The following MARCHF1 variants were observed in gnomAD, a reference collection of about 807,000 sequenced individuals.
The protein encoded by MARCHF1 is E3 ubiquitin-protein ligase MARCHF1.
A neutral mutation model predicts 54.2 loss-of-function variants in MARCHF1; 40 were observed. That is an observed-to-expected ratio of 0.74 (90% CI 0.57 to 0.96). The LOEUF (loss-of-function observed/expected upper bound fraction) is 0.96, where lower values mean the gene tolerates loss of function less well. MARCHF1 is among the 40% of genes least tolerant of loss of function. MARCHF1 has a pLI of 0.00. For missense variants in MARCHF1, 586 were observed against 656.5 expected (o/e 0.89, Z 1.17); for synonymous variants, 236 against 236.3 (o/e 1.00, Z 0.01).
chr4:163,838,746 AT>A (rs1749259993), intron 4 of MARCHF1, among the ~76,000 whole-genome samples: 2 of 152,100 alleles, frequency 1.3e-5, no homozygotes. Flanking sequence ...ATGCACAACA[AT>A]TAATTCAAAG....
chr4:164,199,048 T>G (rs1731363704), intron 1 of MARCHF1, among the ~76,000 whole-genome samples: 1 of 152,160 alleles, frequency 6.6e-6, no homozygotes, highest in Non-Finnish European at 1.5e-5. Context: ...TGCTTGTGGA[T>G]TTTAATAATC....
chr4:164,354,151 C>T (rs1730440524), intron 1 of MARCHF1, among the ~76,000 whole-genome samples: 1 of 101,512 alleles, frequency 9.9e-6, no homozygotes, highest in South Asian at 3.3e-4. Flanking sequence ...AGTCCAGGAC[C>T]AGATGGATTC....
At chr4:164,186,625 T>C (rs1730977527) in intron 1 of MARCHF1, among the ~76,000 whole-genome samples, 1 of 152,214 alleles carries the variant, frequency 6.6e-6, no homozygotes, top group African/African-American at 2.4e-5. Context: ...ACTCAGATTT[T>C]GCTCAGATCT....
intron 4 of MARCHF1, among the ~76,000 whole-genome samples, chr4:163,800,019 T>C (rs898247827): frequency 2.6e-5 from 4 of 152,116 alleles, no homozygotes; most frequent in African/African-American, 9.7e-5. Flanking sequence ...TTATGCTAAG[T>C]GAATTAATGC....
intron 7 of MARCHF1, among the ~76,000 whole-genome samples, chr4:163,606,337 G>A (rs1260985741): frequency 2.0e-5 from 3 of 152,110 alleles, no homozygotes; most frequent in Non-Finnish European, 4.4e-5. Flanking sequence ...AGGTCTGTTT[G>A]AGCACTGCCT....
chr4:163,622,811 G>A, intron 5 of MARCHF1, among the ~76,000 whole-genome samples: 1 of 152,192 alleles, frequency 6.6e-6, no homozygotes, highest in East Asian at 1.9e-4. Flanking sequence ...GGAAAGCCAA[G>A]TAAGTCTTCC....
intron 1 of MARCHF1, among the ~76,000 whole-genome samples, chr4:164,174,531 T>G (rs1730612618): frequency 6.6e-6 from 1 of 152,088 alleles, no homozygotes; most frequent in African/African-American, 2.4e-5. Context: ...GGTACGAGAT[T>G]AGGAAGGCTG....
intron 4 of MARCHF1, among the ~76,000 whole-genome samples, chr4:163,770,762 GAA>G (rs974717645): frequency 6.6e-6 from 1 of 152,156 alleles, no homozygotes; most frequent in African/African-American, 2.4e-5. Context: ...GGGTTGGGAA[GAA>G]AAAGTTCTTC....
intron 3 of MARCHF1, among the ~76,000 whole-genome samples, chr4:163,904,091 A>T (rs548708499): frequency 1.3e-5 from 2 of 152,302 alleles, no homozygotes; most frequent in Admixed American, 6.5e-5. Flanking sequence ...TACTTATAAG[A>T]ATTACTTAAC....
chr4:164,023,063 G>A (rs1160565459), intron 2 of MARCHF1, among the ~76,000 whole-genome samples: 2 of 152,158 alleles, frequency 1.3e-5, no homozygotes, highest in Non-Finnish European at 2.9e-5. Flanking sequence ...CAAGATCTGT[G>A]GCCAGCACTT....
chr4:164,058,097 G>T (rs1312249755), intron 2 of MARCHF1, among the ~76,000 whole-genome samples: 1 of 151,972 alleles, frequency 6.6e-6, no homozygotes, highest in Non-Finnish European at 1.5e-5. Flanking sequence ...ACAGGGAGGG[G>T]AACATCACAC....
In MARCHF1 at chr4:164,029,580, T is replaced by TAG. The variant is rs398108250; in HGVS notation, c.-247-40872_-247-40871insCT. Among the ~76,000 whole-genome samples the TAG allele has an allele frequency of 4.0e-4, 61 of 151,810 alleles. No individual in the cohort carries two copies. The East Asian group carries it at 9.1e-3, about 23-fold the overall frequency. On this transcript the variant is annotated intron_variant, in intron 2 of 9. Coordinates refer to ENST00000514618, the MANE Select transcript of MARCHF1 (RefSeq NM_001394959.1). ...GAGATTAAATTGACATATATATATA[T>TAG]GTCATTTTTAACTTTTTTTCTTTTT...
chr4:163,637,256 T>G (rs371896513), intron 5 of MARCHF1, among the ~76,000 whole-genome samples: 2,495 of 152,154 alleles, frequency 0.016, 76 homozygotes, highest in African/African-American at 0.052. Flanking sequence ...GGGATCTCAT[T>G]AAACTAAAGA....
At chr4:163,923,276 G>A (rs192363359) in intron 3 of MARCHF1, among the ~76,000 whole-genome samples, 1 of 152,004 alleles carries the variant, frequency 6.6e-6, no homozygotes, top group Non-Finnish European at 1.5e-5. Flanking sequence ...TATATGTACT[G>A]CTCTGAAATC....
intron 1 of MARCHF1, among the ~76,000 whole-genome samples, chr4:164,379,632 C>T (rs1731308120): frequency 6.6e-6 from 1 of 152,110 alleles, no homozygotes; most frequent in African/African-American, 2.4e-5. Context: ...GACAAAGACA[C>T]ATTTACCCTC....
In MARCHF1 at chr4:163,813,941, C is replaced by G. The variant is rs537510772; in HGVS notation, c.111+40080G>C. Among the ~76,000 whole-genome samples, 4 of 152,112 alleles carry G rather than the reference C, an allele frequency of 2.6e-5. No individual in the cohort carries two copies. The South Asian group carries it at 8.3e-4, about 32-fold the overall frequency. ...CAAAGGGTGGAAGGCTGTCCTGATG[C>G]ACCAAAATCTAAGCCCAGGGCATAA... On this transcript the variant is annotated intron_variant, in intron 4 of 9. Transcript: ENST00000514618.
intron 1 of MARCHF1, among the ~76,000 whole-genome samples, chr4:164,354,500 C>G (rs1447818451): frequency 7.9e-6 from 1 of 126,128 alleles, no homozygotes; most frequent in African/African-American, 3.0e-5. Context: ...TAAACAGAGC[C>G]AAAGACAAAA....
chr4:164,361,683 T>C (rs1353103960), intron 1 of MARCHF1, among the ~76,000 whole-genome samples: 2 of 152,174 alleles, frequency 1.3e-5, no homozygotes, highest in African/African-American at 2.4e-5. Flanking sequence ...TGAGAATTTA[T>C]TGTAGCGTAA....
intron 4 of MARCHF1, among the ~76,000 whole-genome samples, chr4:163,720,983 A>G (rs1370837360): frequency 6.6e-6 from 1 of 152,176 alleles, no homozygotes; most frequent in African/African-American, 2.4e-5. Flanking sequence ...GACAGGGACA[A>G]TTTGACTTCC....
Sources: allele counts gnomAD v4.1 joint callset (sites outside exome capture counted in the v4.1 genomes callset), GRCh38; gene constraint gnomAD v4.1.1; transcripts MANE v1.5; gene names NCBI Gene and HGNC (gene_info 2026-07-23, HGNC 2026-07-21).